MEPE: variants seen among roughly 807,000 people sequenced by gnomAD.
MEPE encodes the protein matrix, extracellular phosphoglycoprotein with ASARM motif (bone).
MEPE carries 7 observed loss-of-function variants against 7.3 expected under a neutral mutation model. The observed-to-expected ratio is 0.95, with a 90% CI of 0.54 to 1.79. The LOEUF (loss-of-function observed/expected upper bound fraction) is 1.79, where lower values mean the gene tolerates loss of function less well. Ranked by LOEUF, MEPE falls within the 40% of genes most tolerant of loss-of-function variation. The pLI is 0.00. For synonymous variants in MEPE, 214 were observed against 213.1 expected, an observed-to-expected ratio of 1.00 and a Z score of -0.04; for missense variants, 623 against 628.2, an observed-to-expected ratio of 0.99 and a Z score of 0.09.
chr4:87,833,638 T>C (rs543686690), intron 1 of MEPE, among the ~76,000 whole-genome samples: 2 of 152,314 alleles, frequency 1.3e-5, no homozygotes, highest in African/African-American at 4.8e-5. Flanking sequence ...CAGAGTGGCA[T>C]AAATTTATTG....
chr4:87,831,031 T>A (rs992493511), upstream of MEPE, among the ~76,000 whole-genome samples: 29 of 152,166 alleles, frequency 1.9e-4, no homozygotes, highest in African/African-American at 7.0e-4. Flanking sequence ...TCACTGTAGG[T>A]AGTTCTTATC....
chr4:87,826,716 T>C (rs1722479897), intron 1 of MEPE, among the ~76,000 whole-genome samples: 1 of 152,208 alleles, frequency 6.6e-6, no homozygotes, highest in Admixed American at 6.5e-5. Context: ...ATTGTGGTTT[T>C]GATTTGCATT....
chr4:87,824,611 C>T (rs1722419063), intron 1 of MEPE, among the ~76,000 whole-genome samples: 2 of 152,214 alleles, frequency 1.3e-5, no homozygotes, highest in Non-Finnish European at 2.9e-5. Flanking sequence ...GGCCATAGTT[C>T]ACTGATCCCC....
In MEPE at chr4:87,836,283, GTTTA is replaced by G. The variant is rs199741172; in HGVS notation, c.54+1518_54+1521del. Reference sequence around the variant, plus strand: ...GATTTTTAAAAGGAAGAAAATGAATGTTTATTAGGCTATGCAATTCGGTTAATAT... The same window carrying G: ...GATTTTTAAAAGGAAGAAAATGAATGTTAGGCTATGCAATTCGGTTAATAT... On this transcript the variant is annotated intron_variant, in intron 2 of 3. Coordinates refer to ENST00000361056, the MANE Select transcript of MEPE (RefSeq NM_020203.6). Among the ~76,000 whole-genome samples, 95 of 152,188 alleles carry G rather than the reference GTTTA, an allele frequency of 6.2e-4. 2 individuals are homozygous for G. The East Asian group carries it at 0.017, about 27-fold the overall frequency.
At chr4:87,823,269 C>G (rs1251048010) in intron 1 of MEPE, among the ~76,000 whole-genome samples, 1 of 152,196 alleles carries the variant, frequency 6.6e-6, no homozygotes, top group Non-Finnish European at 1.5e-5. Context: ...TCAAAGATGA[C>G]TCTGCCCTTT....
At chr4:87,841,659 C>T (rs1418484106) in intron 3 of MEPE, among the ~76,000 whole-genome samples, 1 of 152,092 alleles carries the variant, frequency 6.6e-6, no homozygotes, top group Non-Finnish European at 1.5e-5. Flanking sequence ...TATATAAAAG[C>T]AGACAGTCCT....
chr4:87,845,769 C>G lies in MEPE; in HGVS notation c.901C>G (p.Pro301Ala). 1 of 1,613,824 alleles carries G rather than the reference C, an allele frequency of 6.2e-7. No homozygotes were observed. The highest frequency in any genetic ancestry group is 8.5e-7 in the Non-Finnish European group (1 of 1,179,910). ...AESTHLDTKK[P>A]GYNEIPEREE... is the part of the protein sequence containing the mutation. ...GAGTACTCATCTTGACACAAAAAAG[C>G]CAGGTTATAATGAGATCCCAGAGAG... The change falls in exon 4 of 4, where the codon CCA becomes GCA. Residue 301 changes from proline to alanine, a missense_variant. Pro to Ala is a conservative substitution (Grantham distance 27). Transcript: ENST00000361056.
intron 1 of MEPE, among the ~76,000 whole-genome samples, chr4:87,834,073 G>A (rs1004995827): frequency 2.0e-5 from 3 of 152,200 alleles, no homozygotes; most frequent in Non-Finnish European, 2.9e-5. Flanking sequence ...TTGTAGGGTT[G>A]TTGTGAGGCT....
At chr4:87,827,084 T>C (rs542534743) in intron 1 of MEPE, among the ~76,000 whole-genome samples, 15 of 150,584 alleles carry the variant, frequency 1.0e-4, no homozygotes, top group African/African-American at 3.6e-4. Context: ...GACAGAGTGA[T>C]CATGTGGAGA....
At chr4:87,832,502 C>T (rs1046750664), upstream of MEPE, among the ~76,000 whole-genome samples, 1 of 152,016 alleles carries the variant, frequency 6.6e-6, no homozygotes, top group Non-Finnish European at 1.5e-5. Flanking sequence ...ATTCTAAGCT[C>T]CAGGAAGACA....
At chr4:87,825,869 G>GT (rs1722450960) in intron 1 of MEPE, among the ~76,000 whole-genome samples, 2 of 152,114 alleles carry the variant, frequency 1.3e-5, no homozygotes, top group African/African-American at 2.4e-5. Context: ...CCCAGTGTGT[G>GT]TTTTTCCCCT....
intron 3 of MEPE, among the ~76,000 whole-genome samples, chr4:87,842,836 A>T (rs971168538): frequency 1.3e-5 from 2 of 152,208 alleles, no homozygotes; most frequent in African/African-American, 4.8e-5. Flanking sequence ...GTAATAAACA[A>T]TTAGCATGTA....
chr4:87,821,851 C>T (rs1214828184), intron 1 of MEPE, among the ~76,000 whole-genome samples: 1 of 152,132 alleles, frequency 6.6e-6, no homozygotes, highest in Non-Finnish European at 1.5e-5. Flanking sequence ...TTAAAGACCC[C>T]TGAGCACCAT....
Position 87,843,426 on chromosome 4 carries a change from G to A in MEPE, c.109-1551G>A, listed in dbSNP as rs142265875. 3.3e-5 allele frequency among the ~76,000 whole-genome samples: 5 copies of A among 152,158 alleles called. No individual in the cohort carries two copies. In the East Asian group the frequency reaches 9.7e-4, roughly 29 times the overall value. ...CATACCCCTCAGGATCACTGCCTTTGCCAATAAATATCACCAGATATTGCT... is the reference window on the plus strand; with the variant it reads ...CATACCCCTCAGGATCACTGCCTTTACCAATAAATATCACCAGATATTGCT... On this transcript the variant is annotated intron_variant, in intron 3 of 3. Coordinates refer to ENST00000361056, the MANE Select transcript of MEPE (RefSeq NM_020203.6).
chr4:87,837,358 C>T (rs918576593), intron 2 of MEPE, among the ~76,000 whole-genome samples: 4 of 152,088 alleles, frequency 2.6e-5, no homozygotes, highest in African/African-American at 9.7e-5. Context: ...TTCCCCCCCT[C>T]CAGACTCATG....
At chr4:87,841,072 T>C (rs1446818959) in intron 3 of MEPE, among the ~76,000 whole-genome samples, 1 of 152,230 alleles carries the variant, frequency 6.6e-6, no homozygotes, top group East Asian at 1.9e-4. Context: ...AAAATTATTC[T>C]ACTCAGTCTT....
intron 3 of MEPE, chr4:87,840,173 G>A (rs1722962182): frequency 4.2e-6 from 5 of 1,197,622 alleles, no homozygotes; most frequent in Non-Finnish European, 5.7e-6. Flanking sequence ...GGACGGCTAA[G>A]AGGAAAAACC....
chr4:87,831,033 G>T (rs191031484), upstream of MEPE, among the ~76,000 whole-genome samples: 57 of 152,114 alleles, frequency 3.7e-4, no homozygotes, highest in African/African-American at 1.2e-3. Context: ...ACTGTAGGTA[G>T]TTCTTATCAC....
chr4:87,835,047 A>G (rs1722731277), intron 2 of MEPE, among the ~76,000 whole-genome samples: 1 of 152,232 alleles, frequency 6.6e-6, no homozygotes, highest in African/African-American at 2.4e-5. Flanking sequence ...ATTTCAAATC[A>G]GCTGATACTA....
Sources: allele counts gnomAD v4.1 joint callset (sites outside exome capture counted in the v4.1 genomes callset), GRCh38; gene constraint gnomAD v4.1.1; transcripts MANE v1.5; gene names NCBI Gene and HGNC (gene_info 2026-07-23, HGNC 2026-07-21).